FABP12: variants seen among roughly 807,000 people sequenced by gnomAD.
FABP12 encodes the protein fatty acid-binding protein 12.
Under a neutral mutation model 13.7 loss-of-function variants are expected in FABP12, and 19 were observed. That is an observed-to-expected ratio of 1.39 (90% confidence interval 0.97 to 2.04). FABP12 has a LOEUF of 2.04. Ranked by LOEUF, FABP12 falls within the 30% of genes most tolerant of loss-of-function variation. The pLI is 0.00. For synonymous variants in FABP12, 61 were observed against 57.0 expected (o/e 1.07, Z -0.32); for missense variants, 182 against 164.2 (o/e 1.11, Z -0.59).
intron 3 of FABP12, 101 bp downstream of exon 3, chr8:81,529,337 T>G (rs1808994558): frequency 1.7e-6 from 2 of 1,175,358 alleles, no homozygotes; most frequent in Non-Finnish European, 2.6e-6. Flanking sequence ...AAGTTCCTCT[T>G]AAGGACTTTA....
intron 1 of FABP12, among the ~76,000 whole-genome samples, chr8:81,568,169 A>T (rs1809863544): frequency 6.6e-6 from 1 of 152,116 alleles, no homozygotes; most frequent in South Asian, 2.1e-4. Context: ...AAAGAAAACA[A>T]TCAACAAAGT....
chr8:81,551,347 T>TGTATGG (rs1432043142), intron 1 of FABP12, among the ~76,000 whole-genome samples: 153 of 152,286 alleles, frequency 1.0e-3, no homozygotes, highest in African/African-American at 3.6e-3. Context: ...TATTCTCTGG[T>TGTATGG]CACAGTCTTG....
Position 81,541,907 on chromosome 8 carries a change from G to GT in FABP12, c.-184-2165dup, listed in dbSNP as rs762886073. Among the ~76,000 whole-genome samples the GT allele has an allele frequency of 9.8e-4, 111 of 113,054 alleles. 1 individual carries two copies. The highest frequency in any genetic ancestry group is 1.7e-3 in the Non-Finnish European group (97 of 57,952). The allele number at this position is 113,054 out of a possible 152,430, so 74.2% of individuals were successfully genotyped here. ...GGACTGGACTTCCAGGAGTCCCAGG[G>GT]TTTAAAAAAAAAAAAAAAAAAAAAA... On this transcript the variant is annotated intron_variant, in intron 1 of 5. Coordinates refer to the FABP12 transcript ENST00000692030.
intron 1 of FABP12, among the ~76,000 whole-genome samples, chr8:81,559,140 C>A (rs557900515): frequency 1.3e-5 from 2 of 152,192 alleles, no homozygotes; most frequent in Non-Finnish European, 2.9e-5. Context: ...ATTTCACCCA[C>A]TTCAAGCCAC....
At chr8:81,531,441 A>G in intron 1 of FABP12, 51 bp from the exon 2 acceptor site, 1 of 623,340 alleles carries the variant, frequency 1.6e-6, no homozygotes, top group Non-Finnish European at 2.8e-6. Flanking sequence ...AAAGTTAGGA[A>G]ATAAAATAAG....
intron 1 of FABP12, among the ~76,000 whole-genome samples, chr8:81,532,460 A>G (rs1034420716): frequency 6.6e-6 from 1 of 152,254 alleles, no homozygotes; most frequent in Non-Finnish European, 1.5e-5. Context: ...AATTAGCATT[A>G]TATGCCTAAT....
chr8:81,561,326 C>A (rs187051917), intron 1 of FABP12, among the ~76,000 whole-genome samples: 1 of 152,142 alleles, frequency 6.6e-6, no homozygotes, highest in Non-Finnish European at 1.5e-5. Flanking sequence ...GTTGAGAACC[C>A]ACTGGCAAAA....
chr8:81,571,505 C>A (rs1809932105), intron 1 of FABP12, among the ~76,000 whole-genome samples: 1 of 152,244 alleles, frequency 6.6e-6, no homozygotes, highest in Non-Finnish European at 1.5e-5. Context: ...ACACCTCCCC[C>A]ACTGTGGATG....
chr8:81,572,916 A>AAACTCCC, intron 1 of FABP12, among the ~76,000 whole-genome samples: 1 of 144,298 alleles, frequency 6.9e-6, no homozygotes, highest in South Asian at 2.3e-4. Flanking sequence ...GTTTGCTGCT[A>AAACTCCC]ACTGTTCTTT....
chr8:81,558,900 AAAAAAAAAAAAG>A (rs1402819676), intron 1 of FABP12, among the ~76,000 whole-genome samples: 1 of 151,280 alleles, frequency 6.6e-6, no homozygotes, highest in East Asian at 1.9e-4. Context: ...AAAAAAAAAA[AAAAAAAAAAAAG>A]AAGTTGGATG....
chr8:81,565,754 G>T (rs1404202364), intron 1 of FABP12, among the ~76,000 whole-genome samples: 1 of 151,818 alleles, frequency 6.6e-6, no homozygotes, highest in Non-Finnish European at 1.5e-5. Context: ...ACCTAATGTT[G>T]CATCTTAAAT....
chr8:81,565,032 G>T (rs543157305), intron 1 of FABP12, among the ~76,000 whole-genome samples: 1 of 151,836 alleles, frequency 6.6e-6, no homozygotes, highest in South Asian at 2.1e-4. Context: ...AGCAGGAAAA[G>T]CTATAATCAT....
At chr8:81,525,938 G>C (rs1374759578) in intron 4 of FABP12, 1 of 152,162 alleles carries the variant, frequency 6.6e-6, no homozygotes, top group Admixed American at 6.5e-5. Context: ...GAATCTTGAA[G>C]AGATTAAATG....
chr8:81,527,563 A>G (rs1306620326), intron 3 of FABP12, among the ~76,000 whole-genome samples: 1 of 152,014 alleles, frequency 6.6e-6, no homozygotes, highest in Non-Finnish European at 1.5e-5. Flanking sequence ...GGGTTTCACC[A>G]TGTTGGCCAG....
At chr8:81,536,544 A>G (rs1453031636), upstream of FABP12, among the ~76,000 whole-genome samples, 1 of 152,228 alleles carries the variant, frequency 6.6e-6, no homozygotes, top group East Asian at 1.9e-4. Flanking sequence ...TTTGCAACTA[A>G]TTCAATAAAC....
upstream of FABP12, among the ~76,000 whole-genome samples, chr8:81,538,376 C>T (rs1809273887): frequency 1.3e-5 from 2 of 152,154 alleles, no homozygotes; most frequent in African/African-American, 4.8e-5. Flanking sequence ...AGCCTTAATC[C>T]CCAGTACACT....
At chr8:81,530,446 A>G (rs902879494) in intron 2 of FABP12, among the ~76,000 whole-genome samples, 18 of 152,342 alleles carry the variant, frequency 1.2e-4, no homozygotes, top group Admixed American at 6.5e-4. Context: ...ATCCTTGTAT[A>G]CACAGCTCTG....
intron 1 of FABP12, among the ~76,000 whole-genome samples, chr8:81,553,164 G>A (rs1283418790): frequency 6.6e-6 from 1 of 152,010 alleles, no homozygotes. Context: ...AGAGAAGAAG[G>A]GATTTCTCTC....
At chr8:81,558,909 A>G (rs928439711) in intron 1 of FABP12, among the ~76,000 whole-genome samples, 7 of 150,530 alleles carry the variant, frequency 4.7e-5, no homozygotes, top group South Asian at 2.1e-4. Context: ...AAAAAAAAAA[A>G]AAGAAGTTGG....
Sources: allele counts gnomAD v4.1 joint callset (sites outside exome capture counted in the v4.1 genomes callset), GRCh38; gene constraint gnomAD v4.1.1; transcripts MANE v1.5; gene names NCBI Gene and HGNC (gene_info 2026-07-23, HGNC 2026-07-21).